The following SASS6 variants were observed in gnomAD, a reference collection of about 807,000 sequenced individuals.
SASS6 encodes spindle assembly abnormal protein 6 homolog.
A neutral mutation model predicts 94.9 loss-of-function variants in SASS6; 59 were observed. The observed-to-expected ratio is 0.62, with a 90% CI of 0.50 to 0.77. The LOEUF is 0.77. SASS6 is among the 30% of genes least tolerant of loss of function. SASS6 has a pLI of 0.00. For missense variants in SASS6, 698 were observed against 734.1 expected, an observed-to-expected ratio of 0.95 and a Z score of 0.57; for synonymous variants, 264 against 270.0, an observed-to-expected ratio of 0.98 and a Z score of 0.22.
intron 13 of SASS6, among the ~76,000 whole-genome samples, chr1:100,103,970 T>G (rs1483018693): frequency 3.9e-5 from 6 of 152,168 alleles, no homozygotes; most frequent in Non-Finnish European, 7.4e-5. Flanking sequence ...CATGGGTATC[T>G]CCAAAAGTGG....
chr1:100,091,372 T>G (rs555651257), intron 14 of SASS6, among the ~76,000 whole-genome samples: 1 of 152,098 alleles, frequency 6.6e-6, no homozygotes, highest in South Asian at 2.1e-4. Flanking sequence ...ACTGATTGTT[T>G]GCTTAAAAAA....
At chr1:100,090,972 A>G (rs1336789858) in intron 14 of SASS6, among the ~76,000 whole-genome samples, 1 of 152,158 alleles carries the variant, frequency 6.6e-6, no homozygotes, top group Non-Finnish European at 1.5e-5. Context: ...AGCACACTTG[A>G]GACAGATCCA....
chr1:100,096,531 G>C (rs1652119839), intron 14 of SASS6, among the ~76,000 whole-genome samples: 1 of 152,098 alleles, frequency 6.6e-6, no homozygotes, highest in Non-Finnish European at 1.5e-5. Context: ...AAAAAAGTTT[G>C]ATAAATTGCA....
rs1651162815 is a variant in SASS6 at position 100,085,380 on chromosome 1, G to A, written c.1922C>T (p.Ala641Val). ...GALHTSSKPT[A>V]LPSASSAYFP... ...ATAGGCTGAAGACGCAGAGGGGAGC[G>A]CTGTGGGTTTGGAAGATGTATGTAA... Residue 641 changes from alanine to valine, a missense_variant, in exon 17 of 17, where the codon GCG becomes GTG. Ala to Val is a moderately conservative substitution (Grantham distance 64, BLOSUM62 0). Coordinates refer to ENST00000287482, the MANE Select transcript of SASS6 (RefSeq NM_194292.3). The A allele has an allele frequency of 1.2e-6, 2 of 1,613,486 alleles. No individual in the cohort carries two copies. The highest frequency in any genetic ancestry group is 1.1e-5 in the South Asian group (1 of 91,074).
chr1:100,084,064 T>C lies in SASS6; in HGVS notation c.*1264A>G, dbSNP rs1217046102. ...GTGGGGGAGTATCAACTGCCTAATATTAGTTACTGAATTTTCAGATTAGAT... is the reference window on the plus strand; with the variant it reads ...GTGGGGGAGTATCAACTGCCTAATACTAGTTACTGAATTTTCAGATTAGAT... On this transcript the variant is annotated 3_prime_UTR_variant, in exon 17 of 17. Transcript: ENST00000287482. The C allele has an allele frequency of 1.3e-5, 2 of 151,756 alleles. No homozygotes were observed. Among genetic ancestry groups the C allele is most frequent in the African/African-American group, 4.8e-5 (2 of 41,354 alleles). 9.4% of individuals were successfully genotyped at this position (151,756 alleles called of 1,614,324 possible).
chr1:100,090,120 T>A, intron 14 of SASS6, among the ~76,000 whole-genome samples: 1 of 150,056 alleles, frequency 6.7e-6, no homozygotes, highest in African/African-American at 2.5e-5. Context: ...AAATGAAAAA[T>A]GAAATAAAAT....
intron 2 of SASS6, among the ~76,000 whole-genome samples, chr1:100,125,454 G>A (rs1419771586): frequency 2.6e-5 from 4 of 151,606 alleles, no homozygotes; most frequent in Non-Finnish European, 5.9e-5. Context: ...GCCGAGGTGG[G>A]CAGATCACAA....
rs1157747576 is a variant in SASS6 at position 100,107,898 on chromosome 1, T to G, written c.968A>C (p.Lys323Thr). 6.2e-7 allele frequency: 1 copy of G among 1,612,744 alleles called. No individual in the cohort carries two copies. Among genetic ancestry groups the G allele is most frequent in the Admixed American group, 1.7e-5 (1 of 60,018 alleles). ...KEKHVNQLQT[K>T]VAVLEQEIKD... ...GATTTCCTGTTCTAAAACTGCCACT[T>G]TTGTTTGTAGCTGATTAACGTGCTT... Residue 323 changes from lysine (K) to threonine (T), a missense_variant, in exon 9 of 17, where the codon AAA becomes ACA. Physicochemically the swap from Lys to Thr is moderately conservative, Grantham distance 78. Coordinates refer to ENST00000287482, the MANE Select transcript of SASS6 (RefSeq NM_194292.3).
chr1:100,126,628 C>G (rs947322595), intron 1 of SASS6, among the ~76,000 whole-genome samples: 2 of 151,914 alleles, frequency 1.3e-5, no homozygotes, highest in Admixed American at 6.6e-5. Flanking sequence ...AATACAAAAA[C>G]AAGCCAGGCG....
intron 2 of SASS6, among the ~76,000 whole-genome samples, chr1:100,124,970 C>T (rs1654492715): frequency 6.6e-6 from 1 of 152,140 alleles, no homozygotes; most frequent in South Asian, 2.1e-4. Context: ...CTGCCACTCA[C>T]CTCCTGCTGT....
At chr1:100,107,582 T>C (rs766712355) in intron 10 of SASS6, 29 bp from the exon 11 acceptor site, 1 of 1,556,638 alleles carries the variant, frequency 6.4e-7, no homozygotes, top group Non-Finnish European at 8.8e-7. Flanking sequence ...TGTATATTTC[T>C]ATGTAATTTA....
intron 7 of SASS6, 110 bp from the exon 8 acceptor site, chr1:100,110,593 T>G: frequency 1.9e-6 from 1 of 536,376 alleles, no homozygotes. Flanking sequence ...TTTCTTTTTC[T>G]TTTTTGTCTT....
At position 100,085,343 on chromosome 1, in the gene SASS6, C is replaced by A. The variant is rs1475606023; in HGVS notation, c.1959G>T (p.Gln653His). 11 of 1,608,814 alleles carry A rather than the reference C, an allele frequency of 6.8e-6. No individual in the cohort carries two copies. In the East Asian group the frequency reaches 2.5e-4, roughly 36 times the overall value. ...GACACTAGAATTAACTGTTTGGTAACTGCCCAGGGAAATAGGCTGAAGACG... is the reference window on the plus strand; with the variant it reads ...GACACTAGAATTAACTGTTTGGTAAATGCCCAGGGAAATAGGCTGAAGACG... Reference protein sequence around the residue: ...PSASSAYFPGQLPNS With the variant: ...PSASSAYFPGHLPNS Residue 653 changes from glutamine (Q) to histidine (H), a missense_variant, in exon 17 of 17, where the codon CAG (glutamine) becomes CAT (histidine). Coordinates refer to ENST00000287482, the MANE Select transcript of SASS6 (RefSeq NM_194292.3).
At position 100,089,707 on chromosome 1, in the gene SASS6, C is replaced by T. The variant is rs1019271100; in HGVS notation, c.1675-1471G>A. On this transcript the variant is annotated intron_variant, in intron 14 of 16. Coordinates refer to ENST00000287482, the MANE Select transcript of SASS6 (RefSeq NM_194292.3). ...AGACAAAAGAAGAATTAATTCCTCACAGACCTGCATTGTAAGAAGCCTTAA... is the reference window on the plus strand; with the variant it reads ...AGACAAAAGAAGAATTAATTCCTCATAGACCTGCATTGTAAGAAGCCTTAA... Among the ~76,000 whole-genome samples the T allele has an allele frequency of 7.9e-5, 12 of 151,994 alleles. No individual in the cohort carries two copies. The East Asian group carries it at 2.3e-3, about 29-fold the overall frequency.
Position 100,119,691 on chromosome 1 carries a change from T to G in SASS6, c.550-554A>C, listed in dbSNP as rs369963951. Among the ~76,000 whole-genome samples, 3 of 152,184 alleles carry G rather than the reference T, an allele frequency of 2.0e-5. No homozygotes were observed. The South Asian group carries it at 6.2e-4, about 31-fold the overall frequency. The stretch of plus-strand genomic sequence containing the variant: ...CAAGTTCTCATTCAGTTAGTTCATA[T>G]GAGATCTGGATGTTTAAAAGCATGT... On this transcript the variant is annotated intron_variant, in intron 6 of 16. Transcript: ENST00000287482.
At chr1:100,124,940 G>A (rs1170760834) in intron 2 of SASS6, among the ~76,000 whole-genome samples, 2 of 152,110 alleles carry the variant, frequency 1.3e-5, no homozygotes, top group African/African-American at 4.8e-5. Flanking sequence ...GATCGTAGGA[G>A]GTTACACTCG....
chr1:100,096,299 T>C (rs1325170618), intron 14 of SASS6, among the ~76,000 whole-genome samples: 1 of 152,178 alleles, frequency 6.6e-6, no homozygotes, highest in Non-Finnish European at 1.5e-5. Context: ...AAAAAGACTT[T>C]TCATAAATGG....
intron 6 of SASS6, among the ~76,000 whole-genome samples, chr1:100,119,959 A>G (rs1654046613): frequency 1.3e-5 from 2 of 152,244 alleles, no homozygotes; most frequent in African/African-American, 2.4e-5. Flanking sequence ...AATTTCATGA[A>G]CTAGGGCAGA....
At chr1:100,088,320 T>A in intron 14 of SASS6, 84 bp from the exon 15 acceptor site, 1 of 674,224 alleles carries the variant, frequency 1.5e-6, no homozygotes, top group Non-Finnish European at 2.7e-6. Flanking sequence ...AAACAGAGCC[T>A]TGCTCTGTTG....
Sources: gnomAD v4.1 joint callset for allele counts (sites outside exome capture counted in the v4.1 genomes callset) on GRCh38, gnomAD v4.1.1 for gene constraint, MANE v1.5 for transcripts, NCBI Gene and HGNC (gene_info 2026-07-23, HGNC 2026-07-21) for gene names.